The following ZNF532 variants were observed in gnomAD, a reference collection of about 807,000 sequenced individuals.
ZNF532 encodes the protein zinc finger protein 532.
In ZNF532, 22 loss-of-function variants were observed where a neutral mutation model predicts 89.3. The ratio of observed to expected loss-of-function variants is 0.25; its 90% confidence interval spans 0.18 to 0.35. ZNF532 has a LOEUF of 0.35. Among genes scored for constraint, ZNF532 ranks in the 10% least tolerant of loss-of-function variants. The pLI is 1.00. For missense variants in ZNF532, 1,132 were observed against 1,643.4 expected (o/e 0.69, Z 5.38); for synonymous variants, 606 against 649.6 (o/e 0.93, Z 1.02).
intron 6 of ZNF532, among the ~76,000 whole-genome samples, chr18:58,949,366 G>A (rs2063945750): frequency 6.6e-6 from 1 of 152,132 alleles, no homozygotes; most frequent in Non-Finnish European, 1.5e-5. Flanking sequence ...CATATTATCA[G>A]GAACTCAATC....
chr18:58,879,989 G>A (rs1165067821), intron 2 of ZNF532, among the ~76,000 whole-genome samples: 1 of 152,128 alleles, frequency 6.6e-6, no homozygotes, highest in Non-Finnish European at 1.5e-5. Context: ...GATTCTAGGG[G>A]CAAGGACAGG....
chr18:58,909,196 G>A (rs1447121013), intron 2 of ZNF532, among the ~76,000 whole-genome samples: 7 of 152,178 alleles, frequency 4.6e-5, no homozygotes, highest in African/African-American at 1.2e-4. Flanking sequence ...CAGGTGATCC[G>A]CCCACCTCAG....
rs559977132 is a variant in ZNF532 at position 58,950,197 on chromosome 18, C to G, written c.2868+1968C>G. 5.1e-4 allele frequency among the ~76,000 whole-genome samples: 77 copies of G among 152,242 alleles called. 2 individuals carry two copies. The South Asian group carries it at 0.015, about 30-fold the overall frequency. ...AGAACTCATCTTTGCATCTGGAAGT[C>G]GGGTCATCGACTTTGTGGTTAGGGT... is the stretch of plus-strand genomic sequence containing the variant. On this transcript the variant is annotated intron_variant, in intron 6 of 9. Coordinates refer to ENST00000591808, the MANE Select transcript of ZNF532 (RefSeq NM_001375912.1).
intron 2 of ZNF532, among the ~76,000 whole-genome samples, chr18:58,893,306 G>A (rs913816752): frequency 1.3e-5 from 2 of 152,170 alleles, no homozygotes; most frequent in African/African-American, 4.8e-5. Flanking sequence ...GTGTCTGTGA[G>A]TTGATTTAGA....
intron 7 of ZNF532, among the ~76,000 whole-genome samples, chr18:58,963,188 T>G (rs955402366): frequency 6.6e-6 from 1 of 152,256 alleles, no homozygotes; most frequent in Non-Finnish European, 1.5e-5. Flanking sequence ...AGTAAGTCTG[T>G]TCAATATAAT....
intron 2 of ZNF532, among the ~76,000 whole-genome samples, chr18:58,894,541 G>T (rs2059127593): frequency 6.6e-6 from 1 of 151,878 alleles, no homozygotes; most frequent in Non-Finnish European, 1.5e-5. Context: ...AAGTGAAAAG[G>T]ATGTTCTTAC....
Position 58,889,011 on chromosome 18 carries a change from T to C in ZNF532, c.-18+23432T>C, listed in dbSNP as rs936900998. Among the ~76,000 whole-genome samples, 6 of 143,776 alleles carry C rather than the reference T, an allele frequency of 4.2e-5. No individual in the cohort carries two copies. The East Asian group carries it at 6.0e-4, about 14-fold the overall frequency. 94.3% of individuals were successfully genotyped at this position (143,776 alleles called of 152,430 possible). A position where few individuals can be genotyped will look rare whatever the true frequency, so the allele number is the denominator to read the frequency against. On this transcript the variant is annotated intron_variant, in intron 2 of 9. Coordinates refer to ENST00000591808, the MANE Select transcript of ZNF532 (RefSeq NM_001375912.1). ...GGAATATTTACATTATACTCACCAG[T>C]TGAACATCTCAAATCTAAAAATCCA...
intron 7 of ZNF532, among the ~76,000 whole-genome samples, chr18:58,969,015 C>T (rs750980446): frequency 4.6e-5 from 7 of 152,152 alleles, no homozygotes; most frequent in South Asian, 2.1e-4. Flanking sequence ...AGGCCATTCC[C>T]GGGCATGGTT....
chr18:58,982,590 TTAGTC>T (rs1244936686), intron 9 of ZNF532, among the ~76,000 whole-genome samples: 43 of 151,868 alleles, frequency 2.8e-4, no homozygotes, highest in Non-Finnish European at 8.8e-5. Flanking sequence ...CCACTGCACT[TTAGTC>T]TAGGCAATAG....
Position 58,941,895 on chromosome 18 carries a change from TTTCC to T in ZNF532, c.2705+2291_2705+2294del, listed in dbSNP as rs371215747. ...TTTCTTTCCATCTTTCTTCCTTCCT[TTTCC>T]TTCCTTCCTTCCTTCCCTCCTTCCT... On this transcript the variant is annotated intron_variant, in intron 5 of 9. Transcript: ENST00000591808. Among the ~76,000 whole-genome samples, 139 of 150,248 alleles carry T rather than the reference TTTCC, an allele frequency of 9.3e-4. 1 individual carries two copies. The South Asian group carries it at 0.017, about 18-fold the overall frequency.
chr18:58,872,344 A>G (rs1290095279), intron 2 of ZNF532, among the ~76,000 whole-genome samples: 1 of 152,160 alleles, frequency 6.6e-6, no homozygotes, highest in East Asian at 1.9e-4. Flanking sequence ...CAGCCTTTGC[A>G]TTTTGGGACA....
upstream of ZNF532, chr18:58,863,265 C>T (rs796880106): frequency 3.3e-5 from 5 of 151,898 alleles, no homozygotes; most frequent in South Asian, 2.1e-4. Context: ...AGCCCCACCA[C>T]CCCGCTCCAC....
chr18:58,952,491 A>G (rs986711181), intron 6 of ZNF532, among the ~76,000 whole-genome samples: 1 of 151,862 alleles, frequency 6.6e-6, no homozygotes, highest in African/African-American at 2.4e-5. Context: ...TGTAACCTTG[A>G]ACTCCTGGGC....
chr18:58,970,765 A>C (rs2066397106), intron 7 of ZNF532, among the ~76,000 whole-genome samples: 1 of 152,232 alleles, frequency 6.6e-6, no homozygotes, highest in Non-Finnish European at 1.5e-5. Flanking sequence ...TAGGGTCTGC[A>C]GTGAGAGTCC....
chr18:58,875,864 C>G (rs562186353), intron 2 of ZNF532, among the ~76,000 whole-genome samples: 8 of 151,488 alleles, frequency 5.3e-5, no homozygotes, highest in African/African-American at 1.9e-4. Context: ...TTCCGTACCT[C>G]TCGGGAGCCC....
At chr18:58,976,875 CTT>C (rs1271145641) in intron 7 of ZNF532, among the ~76,000 whole-genome samples, 1 of 152,142 alleles carries the variant, frequency 6.6e-6, no homozygotes, top group Non-Finnish European at 1.5e-5. Context: ...TTTTAAATAT[CTT>C]TATTGAAATA....
Position 58,941,059 on chromosome 18 carries a change from C to CA in ZNF532, c.2705+1449dup, listed in dbSNP as rs938312375. The stretch of plus-strand genomic sequence containing the variant: ...AATACTACAGAAGTGACTGTTTTAT[C>CA]AAAAAAAAAAACATGTTGAAGTTAA... On this transcript the variant is annotated intron_variant, in intron 5 of 9. Transcript: ENST00000591808. Among the ~76,000 whole-genome samples, 964 of 137,698 alleles carry CA rather than the reference C, an allele frequency of 7.0e-3. 7 individuals carry two copies. The highest frequency in any genetic ancestry group is 0.022 in the African/African-American group (817 of 37,686). The allele number at this position is 137,698 out of a possible 152,430, so 90.3% of individuals were successfully genotyped here. A position where few individuals can be genotyped will look rare whatever the true frequency, so the allele number is the denominator to read the frequency against.
intron 2 of ZNF532, among the ~76,000 whole-genome samples, chr18:58,912,157 C>A (rs2060322807): frequency 6.6e-6 from 1 of 152,110 alleles, no homozygotes; most frequent in East Asian, 1.9e-4. Context: ...TAGTATGTGA[C>A]TCCTGTGTTG....
Position 58,919,007 on chromosome 18 carries a change from A to G in ZNF532, c.720A>G (p.Leu240=). 6.2e-7 allele frequency: 1 copy of G among 1,613,600 alleles called. No individual in the cohort carries two copies. The highest frequency in any genetic ancestry group is 8.5e-7 in the Non-Finnish European group (1 of 1,180,038). ...SSDKVLENRV[L]DGKLSSEKND... Reference sequence around the variant, plus strand: ...ACAAGGTGCTGGAAAACAGAGTCCTAGATGGGAAGCTGAGCTCCGAGAAGA... The same window carrying G: ...ACAAGGTGCTGGAAAACAGAGTCCTGGATGGGAAGCTGAGCTCCGAGAAGA... The change falls in exon 3 of 10, where the codon CTA becomes CTG. Residue 240 remains leucine (L), a synonymous_variant. Coordinates refer to ENST00000591808, the MANE Select transcript of ZNF532 (RefSeq NM_001375912.1). This position sits in a 1 kb window ranked among gnomAD's most constrained non-coding sequence, Gnocchi z 6.1.
Sources: gnomAD v4.1 joint callset for allele counts (sites outside exome capture counted in the v4.1 genomes callset) on GRCh38, gnomAD v4.1.1 for gene constraint, Gnocchi (gnomAD v3.1) non-coding constraint, MANE v1.5 for transcripts, NCBI Gene and HGNC (gene_info 2026-07-23, HGNC 2026-07-21) for gene names.